VPS4B: variants seen among roughly 807,000 people sequenced by gnomAD.
VPS4B encodes the protein vacuolar protein sorting-associated protein 4B.
VPS4B carries 23 observed loss-of-function variants against 56.1 expected under a neutral mutation model. That is an observed-to-expected ratio of 0.41 (90% CI 0.30 to 0.58). VPS4B has a LOEUF of 0.58. Among genes scored for constraint, VPS4B ranks in the 20% least tolerant of loss-of-function variants. VPS4B has a pLI of 0.29. For synonymous variants in VPS4B, 177 were observed against 186.0 expected (o/e 0.95, Z 0.39); for missense variants, 372 against 531.9 (o/e 0.70, Z 2.96).
At chr18:63,405,356 A>C (rs1915893165) in intron 4 of VPS4B, among the ~76,000 whole-genome samples, 1 of 152,218 alleles carries the variant, frequency 6.6e-6, no homozygotes, top group Non-Finnish European at 1.5e-5. Context: ...TTTAACAAAT[A>C]TACACTTAAT....
intron 5 of VPS4B, among the ~76,000 whole-genome samples, 192 bp from the exon 6 acceptor site, chr18:63,400,895 C>T (rs895387327): frequency 2.1e-4 from 32 of 152,180 alleles, no homozygotes; most frequent in African/African-American, 7.0e-4. Flanking sequence ...CAAAAAGAGA[C>T]TTGCATAACA....
chr18:63,411,546 T>C lies in VPS4B; in HGVS notation c.60A>G (p.Gln20=). 1.2e-6 allele frequency: 2 copies of C among 1,601,802 alleles called. No individual in the cohort carries two copies. Among genetic ancestry groups the C allele is most frequent in the Non-Finnish European group, 1.7e-6 (2 of 1,173,580 alleles). The part of the protein sequence containing the change: ...KAIDLASKAA[Q]EDKAGNYEEA... ...CTTCGTAGTTCCCAGCCTTGTCTTC[T>C]TGCGCTGCTTTGCTAGCCAGATCTA... The change falls in exon 2 of 11, where the codon CAA becomes CAG. Residue 20 remains glutamine, a synonymous_variant. Transcript: ENST00000238497.
In VPS4B at chr18:63,390,409, C is replaced by T. The variant is rs188708332; in HGVS notation, c.*566G>A. ...CTTTTAAAGAAATTATTTAAATCTA[C>T]ACAGAAAAAAATATCAACTTATTAA... On this transcript the variant is annotated 3_prime_UTR_variant, in exon 11 of 11. Coordinates refer to ENST00000238497, the MANE Select transcript of VPS4B (RefSeq NM_004869.4). The T allele has an allele frequency of 2.6e-5, 4 of 152,748 alleles. No homozygotes were observed. Among genetic ancestry groups the T allele is most frequent in the Admixed American group, 2.0e-4 (3 of 15,300 alleles). The allele number at this position is 152,748 out of a possible 1,614,324, so 9.5% of individuals were successfully genotyped here.
At chr18:63,404,172 C>T (rs995804437) in intron 4 of VPS4B, among the ~76,000 whole-genome samples, 8 of 152,002 alleles carry the variant, frequency 5.3e-5, no homozygotes, top group Non-Finnish European at 7.4e-5. Context: ...AAGCACCAAA[C>T]GTTCCATAAG....
chr18:63,418,077 C>T (rs1223033155), intron 1 of VPS4B, among the ~76,000 whole-genome samples: 1 of 152,180 alleles, frequency 6.6e-6, no homozygotes, highest in Non-Finnish European at 1.5e-5. Flanking sequence ...CTGTTCTCTC[C>T]AACCTTTCCT....
At position 63,410,945 on chromosome 18, in the gene VPS4B, C is replaced by T. The variant is rs1421682574; in HGVS notation, c.140-499G>A. Among the ~76,000 whole-genome samples the T allele has an allele frequency of 3.3e-5, 5 of 152,240 alleles. No individual in the cohort carries two copies. The South Asian group carries it at 1.0e-3, about 32-fold the overall frequency. On this transcript the variant is annotated intron_variant, in intron 2 of 10. Transcript: ENST00000238497. ...TACTACACAAAGGCCTCTGTCAGAG[C>T]TGTTTTCAAAGTGAACTTTGGCAAC...
At chr18:63,407,804 T>G (rs1915951342) in intron 3 of VPS4B, among the ~76,000 whole-genome samples, 1 of 152,216 alleles carries the variant, frequency 6.6e-6, no homozygotes, top group South Asian at 2.1e-4. Context: ...CATCACTCCA[T>G]GAAGGATTCA....
chr18:63,400,136 A>G lies in VPS4B; in HGVS notation c.702T>C (p.Asp234=). ...TTGAACCACAGAGAGAATCAATTTC[A>G]TCAATGAAGATAATGGAGGGCTTGT... ...RENKPSIIFI[D]EIDSLCGSRS... The change falls in exon 7 of 11, where the codon GAT becomes GAC. Residue 234 remains aspartate (D), a synonymous_variant. Coordinates refer to ENST00000238497, the MANE Select transcript of VPS4B (RefSeq NM_004869.4). The G allele has an allele frequency of 1.2e-6, 2 of 1,613,932 alleles. No individual in the cohort carries two copies. The highest frequency in any genetic ancestry group is 1.7e-6 in the Non-Finnish European group (2 of 1,179,928).
Position 63,410,420 on chromosome 18 carries a change from G to C in VPS4B, c.166C>G (p.Gln56Glu). The C allele has an allele frequency of 6.2e-7, 1 of 1,613,246 alleles. No individual in the cohort carries two copies. The highest frequency in any genetic ancestry group is 8.5e-7 in the Non-Finnish European group (1 of 1,179,988). ...KYEAQGDKAKQSIRAKCTEYL... is the reference protein window; with the variant it reads ...KYEAQGDKAKESIRAKCTEYL... ...TCTGTACACTTTGCCCTGATACTTT[G>C]CTTGGCTTTATCACCCTGTGCTTCA... The change falls in exon 3 of 11, where the codon CAA becomes GAA. Residue 56 changes from glutamine (Q) to glutamate (E), a missense_variant. By Grantham distance (29) the Gln-to-Glu change is conservative (BLOSUM62 2). Coordinates refer to ENST00000238497, the MANE Select transcript of VPS4B (RefSeq NM_004869.4).
Position 63,422,331 on chromosome 18 carries a change from C to G in VPS4B, c.-72G>C. 3 of 1,393,808 alleles carry G rather than the reference C, an allele frequency of 2.2e-6. No homozygotes were observed. Among genetic ancestry groups the G allele is most frequent in the Non-Finnish European group, 2.8e-6 (3 of 1,057,822 alleles). The allele number at this position is 1,393,808 out of a possible 1,614,324, so 86.3% of individuals were successfully genotyped here. On this transcript the variant is annotated 5_prime_UTR_variant, in exon 1 of 11. Transcript: ENST00000238497. ...CCAACAGCAGCAACGTCGAAGCGCG[C>G]ACGGGGTAACAGCCCTCAAACTGGG...
At chr18:63,400,443 C>T in intron 6 of VPS4B, 104 bp downstream of exon 6, 1 of 1,283,328 alleles carries the variant, frequency 7.8e-7, no homozygotes, top group Non-Finnish European at 1.1e-6. Flanking sequence ...ACCTGTATTA[C>T]ATGACTTCTC....
intron 1 of VPS4B, among the ~76,000 whole-genome samples, 160 bp from the exon 2 acceptor site, chr18:63,411,738 A>G (rs1366365020): frequency 6.6e-6 from 1 of 152,180 alleles, no homozygotes; most frequent in Non-Finnish European, 1.5e-5. Flanking sequence ...TAACTAAAAA[A>G]TCATTTTTTT....
intron 8 of VPS4B, 61 bp from the exon 9 acceptor site, chr18:63,397,314 A>G (rs935631177): frequency 1.4e-6 from 2 of 1,460,676 alleles, no homozygotes; most frequent in Non-Finnish European, 1.8e-6. Context: ...TTCCAAGAAG[A>G]AACAGATACT....
Position 63,397,191 on chromosome 18 carries a change from A to G in VPS4B, c.935T>C (p.Leu312Pro), listed in dbSNP as rs1205129731. Residue 312 changes from leucine (L) to proline (P), a missense_variant, in exon 9 of 11, where the codon CTG (leucine) becomes CCG (proline). Leu to Pro is a moderately conservative substitution (Grantham distance 98). Transcript: ENST00000238497. ...EPHARAAMFK[L>P]HLGTTQNSLT... ...ACTGTTCTGAGTGGTCCCTAGGTGC[A>G]GTTTAAACATTGCTGCTCGGGCATG... 6.2e-7 allele frequency: 1 copy of G among 1,614,124 alleles called. No homozygotes were observed. Among genetic ancestry groups the G allele is most frequent in the Admixed American group, 1.7e-5 (1 of 60,010 alleles).
Position 63,397,073 on chromosome 18 carries a change from C to T in VPS4B, c.1053G>A (p.Gln351=), listed in dbSNP as rs867693235. The change falls in exon 9 of 11, where the codon CAG becomes CAA. Residue 351 remains glutamine (Q), a synonymous_variant. Transcript: ENST00000238497. ...ISIIVRDALM[Q]PVRKVQSATH... ...TAGCTGACTGTACTTTCCTAACAGG[C>T]TGCATAAGGGCATCACGTACAATGA... The T allele has an allele frequency of 6.2e-7, 1 of 1,614,008 alleles. No homozygotes were observed. Among genetic ancestry groups the T allele is most frequent in the Non-Finnish European group, 8.5e-7 (1 of 1,179,994 alleles).
chr18:63,415,485 A>G (rs1916142381), intron 1 of VPS4B: 1 of 304,504 alleles, frequency 3.3e-6, no homozygotes, highest in African/African-American at 2.2e-5. Context: ...CTCCTGGCAT[A>G]AGCTTGGCAA....
chr18:63,407,427 G>C lies in VPS4B; in HGVS notation c.364+5C>G, dbSNP rs1231335439. 1.0e-5 allele frequency: 16 copies of C among 1,603,470 alleles called. No homozygotes were observed. Among genetic ancestry groups the C allele is most frequent in the Non-Finnish European group, 1.3e-5 (15 of 1,175,328 alleles). On this transcript the variant is annotated splice_donor_5th_base_variant and intron_variant, in intron 4 of 10. Coordinates refer to ENST00000238497, the MANE Select transcript of VPS4B (RefSeq NM_004869.4). The stretch of plus-strand genomic sequence containing the variant: ...AGTAAATTTAAAAATGAAATCTAAA[G>C]CAACCTTGAAGTTGATTCTGTAGTT...
chr18:63,401,067 C>T (rs923074076), intron 5 of VPS4B, among the ~76,000 whole-genome samples: 5 of 152,200 alleles, frequency 3.3e-5, no homozygotes, highest in Non-Finnish European at 7.3e-5. Flanking sequence ...ACTGTGTACA[C>T]TGCTTGATAC....
intron 9 of VPS4B, 107 bp downstream of exon 9, chr18:63,396,927 T>A: frequency 9.3e-7 from 1 of 1,076,820 alleles, no homozygotes. Context: ...GAGGCGGAGG[T>A]TGCAGCAAGC....
Sources: gnomAD v4.1 joint callset for allele counts (sites outside exome capture counted in the v4.1 genomes callset) on GRCh38, gnomAD v4.1.1 for gene constraint, MANE v1.5 for transcripts, NCBI Gene and HGNC (gene_info 2026-07-23, HGNC 2026-07-21) for gene names.